FGD4: variants seen among roughly 807,000 people sequenced by gnomAD.
FGD4 encodes the protein FYVE, RhoGEF and PH domain containing 4, also known as FYVE, RhoGEF and PH domain-containing protein 4.
Under a neutral mutation model 102.0 loss-of-function variants are expected in FGD4, and 42 were observed. The observed-to-expected ratio is 0.41, with a 90% confidence interval of 0.32 to 0.53. The LOEUF (loss-of-function observed/expected upper bound fraction) is 0.53, where lower values mean the gene tolerates loss of function less well. Among genes scored for constraint, FGD4 ranks in the 20% least tolerant of loss-of-function variants. The pLI, the probability that FGD4 is intolerant of heterozygous loss-of-function variation, is 0.21. For missense variants in FGD4, 902 were observed against 1,078.2 expected, an observed-to-expected ratio of 0.84 and a Z score of 2.29; for synonymous variants, 380 against 375.7, an observed-to-expected ratio of 1.01 and a Z score of -0.13.
chr12:32,400,746 G>T (rs76940553), intron 1 of FGD4, among the ~76,000 whole-genome samples: 10 of 152,246 alleles, frequency 6.6e-5, no homozygotes, highest in African/African-American at 2.4e-4. Flanking sequence ...GTAACCAGAG[G>T]TGTCTGGTAT....
In FGD4 at chr12:32,636,479, G is replaced by A. The variant is rs1950822415; in HGVS notation, c.2314-2176G>A. Among the ~76,000 whole-genome samples, 3 of 151,468 alleles carry A rather than the reference G, an allele frequency of 2.0e-5. No individual in the cohort carries two copies. The South Asian group carries it at 6.2e-4, about 31-fold the overall frequency. On this transcript the variant is annotated intron_variant, in intron 15 of 16. Transcript: ENST00000534526. Reference sequence around the variant, plus strand: ...ACCTGGGCGGCGGAGGTGTCAGTGAGCCAAGATTGAACCATTGCACTCCAG... The same window carrying A: ...ACCTGGGCGGCGGAGGTGTCAGTGAACCAAGATTGAACCATTGCACTCCAG...
intron 7 of FGD4, among the ~76,000 whole-genome samples, chr12:32,605,803 A>G (rs927228583): frequency 6.6e-5 from 10 of 152,310 alleles, no homozygotes; most frequent in Admixed American, 3.9e-4. Flanking sequence ...CATTCTCTGT[A>G]TGTGTTCATT....
At chr12:32,435,776 A>G (rs1210201620) in intron 1 of FGD4, among the ~76,000 whole-genome samples, 1 of 152,176 alleles carries the variant, frequency 6.6e-6, no homozygotes, top group Non-Finnish European at 1.5e-5. Flanking sequence ...TGGTCCATCT[A>G]GTCCATGGTT....
chr12:32,561,082 T>TG (rs1565841631), intron 1 of FGD4, among the ~76,000 whole-genome samples: 3 of 115,980 alleles, frequency 2.6e-5, no homozygotes, highest in African/African-American at 1.0e-4. Flanking sequence ...TTTGTTTTTT[T>TG]TTTTTTTTTT....
chr12:32,500,148 A>T (rs777845336), intron 1 of FGD4, among the ~76,000 whole-genome samples: 13 of 152,226 alleles, frequency 8.5e-5, no homozygotes, highest in Non-Finnish European at 1.9e-4. Flanking sequence ...CTTTGGTCTC[A>T]GACAAATGAG....
At chr12:32,601,701 GT>G (rs1172810029) in intron 6 of FGD4, among the ~76,000 whole-genome samples, 1 of 152,170 alleles carries the variant, frequency 6.6e-6, no homozygotes, top group Non-Finnish European at 1.5e-5. Context: ...CTTTAAAAAG[GT>G]GCTGCATTGT....
At chr12:32,623,612 AACAG>A (rs1308712745) in intron 11 of FGD4, among the ~76,000 whole-genome samples, 1 of 152,080 alleles carries the variant, frequency 6.6e-6, no homozygotes, top group Non-Finnish European at 1.5e-5. Context: ...AGCACATACA[AACAG>A]ACAGAGCACA....
At chr12:32,529,067 A>T (rs1165873564) in intron 1 of FGD4, among the ~76,000 whole-genome samples, 1 of 152,204 alleles carries the variant, frequency 6.6e-6, no homozygotes, top group East Asian at 1.9e-4. Context: ...ACGTTCAAGA[A>T]TTTCTATGCC....
intron 1 of FGD4, among the ~76,000 whole-genome samples, chr12:32,406,301 T>G (rs570208766): frequency 6.6e-6 from 1 of 152,064 alleles, no homozygotes; most frequent in Admixed American, 6.5e-5. Context: ...TGTGTGTAAT[T>G]CCAGCACTTT....
At chr12:32,483,327 A>G (rs1199631847) in intron 1 of FGD4, among the ~76,000 whole-genome samples, 1 of 152,214 alleles carries the variant, frequency 6.6e-6, no homozygotes, top group Admixed American at 6.5e-5. Flanking sequence ...TAGCACAATC[A>G]CACATCTATG....
At chr12:32,529,619 C>T (rs1328629579) in intron 1 of FGD4, among the ~76,000 whole-genome samples, 3 of 151,234 alleles carry the variant, frequency 2.0e-5, no homozygotes, top group South Asian at 2.1e-4. Flanking sequence ...CTGAGGTGGG[C>T]GGATCATGAG....
At chr12:32,454,842 G>C (rs1942907457) in intron 1 of FGD4, among the ~76,000 whole-genome samples, 2 of 152,088 alleles carry the variant, frequency 1.3e-5, no homozygotes, top group Non-Finnish European at 2.9e-5. Flanking sequence ...TTCTTGTTCT[G>C]ACAGTGTATC....
At chr12:32,613,331 A>G (rs1378740512) in intron 10 of FGD4, among the ~76,000 whole-genome samples, 1 of 152,226 alleles carries the variant, frequency 6.6e-6, no homozygotes, top group Admixed American at 6.5e-5. Context: ...GAAAAAGTTC[A>G]TGGAAAATGC....
intron 1 of FGD4, among the ~76,000 whole-genome samples, chr12:32,416,857 G>A (rs957315242): frequency 6.6e-6 from 1 of 151,000 alleles, no homozygotes; most frequent in African/African-American, 2.4e-5. Context: ...TGTACCTTCA[G>A]ATGATTTCTT....
chr12:32,593,859 G>C (rs1423369717), intron 4 of FGD4, among the ~76,000 whole-genome samples: 1 of 152,168 alleles, frequency 6.6e-6, no homozygotes, highest in Non-Finnish European at 1.5e-5. Flanking sequence ...CCAAGGTCTT[G>C]AAAAGAATAG....
At chr12:32,528,885 A>T (rs1364110507) in intron 1 of FGD4, among the ~76,000 whole-genome samples, 3 of 152,126 alleles carry the variant, frequency 2.0e-5, no homozygotes, top group Non-Finnish European at 4.4e-5. Flanking sequence ...GGCCAGCTGT[A>T]CTCTGTGTGT....
intron 1 of FGD4, among the ~76,000 whole-genome samples, chr12:32,554,436 A>G (rs1026747180): frequency 4.6e-5 from 7 of 152,234 alleles, no homozygotes; most frequent in African/African-American, 1.7e-4. Context: ...TTTGGCAAAC[A>G]GAGAAAGTTG....
At chr12:32,459,068 C>T (rs1288872416) in intron 1 of FGD4, among the ~76,000 whole-genome samples, 1 of 151,804 alleles carries the variant, frequency 6.6e-6, no homozygotes, top group African/African-American at 2.4e-5. Context: ...TCAGAAATCT[C>T]TTGAGTCAAC....
chr12:32,611,298 G>A lies in FGD4; in HGVS notation c.1749+15G>A, dbSNP rs1949119480. 2 of 1,613,914 alleles carry A rather than the reference G, an allele frequency of 1.2e-6. No homozygotes were observed. The highest frequency in any genetic ancestry group is 2.7e-5 in the African/African-American group (2 of 74,920). Reference sequence around the variant, plus strand: ...ACCTTTTCTTAGTGAGTATTATAGTGTTGGCAAGTCATATAAGAATTATAT... The same window carrying A: ...ACCTTTTCTTAGTGAGTATTATAGTATTGGCAAGTCATATAAGAATTATAT... On this transcript the variant is annotated intron_variant, in intron 10 of 16. Transcript: ENST00000534526.
Sources: gnomAD v4.1 joint callset for allele counts (sites outside exome capture counted in the v4.1 genomes callset) on GRCh38, gnomAD v4.1.1 for gene constraint, MANE v1.5 for transcripts, NCBI Gene and HGNC (gene_info 2026-07-23, HGNC 2026-07-21) for gene names.